The following ACOXL variants were observed in gnomAD, a reference collection of about 807,000 sequenced individuals.
The protein encoded by ACOXL is acyl-coenzyme A oxidase-like protein.
In ACOXL, 70 loss-of-function variants were observed where a neutral mutation model predicts 71.9. That is an observed-to-expected ratio of 0.97 (90% CI 0.80 to 1.19). ACOXL has a LOEUF of 1.19. Ranked by LOEUF, ACOXL falls within the 50% of genes most tolerant of loss-of-function variation. The probability of loss-of-function intolerance (pLI) is 0.00; values close to 1 mark genes in which losing one functional copy is unlikely to be tolerated. For missense variants in ACOXL, 703 were observed against 736.3 expected, an observed-to-expected ratio of 0.95 and a Z score of 0.52; for synonymous variants, 253 against 281.6, an observed-to-expected ratio of 0.90 and a Z score of 1.02.
chr2:110,734,861 C>CT (rs1676638732), intron 1 of ACOXL, among the ~76,000 whole-genome samples: 3 of 138,350 alleles, frequency 2.2e-5, no homozygotes, highest in Admixed American at 7.7e-5. Context: ...CCTGTGTGAC[C>CT]ATTGTCCTGG....
At chr2:110,953,885 C>T (rs754227233) in intron 12 of ACOXL, among the ~76,000 whole-genome samples, 2 of 152,122 alleles carry the variant, frequency 1.3e-5, no homozygotes, top group East Asian at 1.9e-4. Flanking sequence ...TGAGAACTCA[C>T]GCATTATCAT....
At chr2:110,817,615 A>G (rs147080902) in intron 9 of ACOXL, among the ~76,000 whole-genome samples, 2 of 152,230 alleles carry the variant, frequency 1.3e-5, no homozygotes, top group East Asian at 1.9e-4. Context: ...AGCTGTCTCT[A>G]GGGTCATGGG....
chr2:111,056,788 CAA>C (rs34865595), intron 16 of ACOXL, among the ~76,000 whole-genome samples: 25 of 102,232 alleles, frequency 2.4e-4, no homozygotes, highest in Admixed American at 3.2e-4. Context: ...ACTCTGTCTC[CAA>C]AAAAAAAAAA....
intron 14 of ACOXL, among the ~76,000 whole-genome samples, chr2:110,996,973 G>T (rs2063424026): frequency 1.3e-5 from 2 of 152,186 alleles, no homozygotes. Flanking sequence ...CCCAGGCGTA[G>T]ATCTGAGGTG....
chr2:111,008,115 C>T (rs778887420), intron 14 of ACOXL, among the ~76,000 whole-genome samples: 7 of 152,188 alleles, frequency 4.6e-5, no homozygotes, highest in South Asian at 2.1e-4. Context: ...ACAGTATTTC[C>T]GAAGTTTCTT....
intron 1 of ACOXL, among the ~76,000 whole-genome samples, chr2:110,735,475 A>T (rs989193545): frequency 6.6e-6 from 1 of 152,212 alleles, no homozygotes; most frequent in African/African-American, 2.4e-5. Context: ...ATCCCAGGGC[A>T]TAAGAGCTCA....
At chr2:110,781,134 CTTGA>C (rs1394142763) in intron 2 of ACOXL, among the ~76,000 whole-genome samples, 1 of 152,170 alleles carries the variant, frequency 6.6e-6, no homozygotes, top group Non-Finnish European at 1.5e-5. Context: ...GCCCTGTGCT[CTTGA>C]TTGATATGAT....
intron 14 of ACOXL, among the ~76,000 whole-genome samples, chr2:111,027,166 G>A (rs2065052385): frequency 6.6e-6 from 1 of 152,130 alleles, no homozygotes; most frequent in African/African-American, 2.4e-5. Context: ...AAAGTGCTGG[G>A]ATTACAGGCG....
chr2:111,078,131 T>G (rs1051339599), intron 16 of ACOXL, among the ~76,000 whole-genome samples: 7 of 149,616 alleles, frequency 4.7e-5, no homozygotes, highest in African/African-American at 1.7e-4. Context: ...TAGGATAATT[T>G]CTATTATTCT....
intron 9 of ACOXL, among the ~76,000 whole-genome samples, chr2:110,819,946 T>C (rs762646474): frequency 2.4e-4 from 37 of 152,168 alleles, no homozygotes; most frequent in Admixed American, 6.5e-4. Flanking sequence ...CAGCTTCTTG[T>C]TCTCTGAACT....
chr2:110,828,878 C>G (rs986100894), intron 9 of ACOXL, among the ~76,000 whole-genome samples: 1 of 151,926 alleles, frequency 6.6e-6, no homozygotes, highest in African/African-American at 2.4e-5. Flanking sequence ...ATGGCGCAAT[C>G]TTGGCTCACC....
intron 3 of ACOXL, among the ~76,000 whole-genome samples, chr2:110,791,466 A>G (rs1004754074): frequency 1.3e-5 from 2 of 152,246 alleles, no homozygotes; most frequent in Non-Finnish European, 2.9e-5. Flanking sequence ...GAGTTTTAGA[A>G]AAATATTTTT....
chr2:110,901,642 CCACACACACA>C (rs10537484), intron 10 of ACOXL, among the ~76,000 whole-genome samples: 9 of 147,124 alleles, frequency 6.1e-5, no homozygotes, highest in South Asian at 4.4e-4. Context: ...TATCTCTACG[CCACACACACA>C]CACACACACA....
intron 12 of ACOXL, among the ~76,000 whole-genome samples, chr2:110,937,534 C>A (rs1178763977): frequency 2.6e-5 from 4 of 152,148 alleles, no homozygotes; most frequent in Admixed American, 2.0e-4. Flanking sequence ...CCACTTGACA[C>A]CTAGCATGGA....
intron 16 of ACOXL, among the ~76,000 whole-genome samples, chr2:111,068,166 A>G (rs1440354649): frequency 1.3e-5 from 2 of 152,212 alleles, no homozygotes; most frequent in Non-Finnish European, 2.9e-5. Flanking sequence ...GCATCTATGG[A>G]TCAGAATCTC....
chr2:110,793,380 C>T (rs942079291), intron 3 of ACOXL, among the ~76,000 whole-genome samples: 2 of 152,148 alleles, frequency 1.3e-5, no homozygotes. Context: ...GCTTTCAGAG[C>T]ATTCATTTGT....
Position 110,867,123 on chromosome 2 carries a change from G to C in ACOXL, c.788+25718G>C, listed in dbSNP as rs577795725. Among the ~76,000 whole-genome samples the C allele has an allele frequency of 6.6e-5, 10 of 152,288 alleles. No individual in the cohort carries two copies. The South Asian group carries it at 1.9e-3, about 28-fold the overall frequency. ...ATAAGAGGGCCCAGCAGAGTGTCCTGGGTGCTGGGAAGTTAGGTGCGACTG... is the reference window on the plus strand; with the variant it reads ...ATAAGAGGGCCCAGCAGAGTGTCCTCGGTGCTGGGAAGTTAGGTGCGACTG... On this transcript the variant is annotated intron_variant, in intron 10 of 17. Transcript: ENST00000439055.
chr2:110,805,425 C>G (rs1413753004), intron 9 of ACOXL, 30 bp downstream of exon 9: 6 of 1,613,852 alleles, frequency 3.7e-6, no homozygotes, highest in Middle Eastern at 1.7e-4. Flanking sequence ...ACTTAATTAT[C>G]TACTGTGAAT....
chr2:110,760,554 C>G (rs879431397), intron 1 of ACOXL, among the ~76,000 whole-genome samples: 2 of 152,186 alleles, frequency 1.3e-5, no homozygotes, highest in African/African-American at 2.4e-5. Flanking sequence ...TAACTGAACT[C>G]ATTCATGTAT....
Sources: gnomAD v4.1 joint callset for allele counts (sites outside exome capture counted in the v4.1 genomes callset) on GRCh38, gnomAD v4.1.1 for gene constraint, MANE v1.5 for transcripts, NCBI Gene and HGNC (gene_info 2026-07-23, HGNC 2026-07-21) for gene names.